The following DUSP6 variants were observed in gnomAD, a reference collection of about 807,000 sequenced individuals.
The protein encoded by DUSP6 is dual specificity phosphatase 6, also known as dual specificity protein phosphatase 6.
Under a neutral mutation model 28.0 loss-of-function variants are expected in DUSP6, and 6 were observed. That is an observed-to-expected ratio of 0.21 (90% CI 0.12 to 0.42). The LOEUF is 0.42. DUSP6 is among the 10% of genes least tolerant of loss of function. The pLI, the probability that DUSP6 is intolerant of heterozygous loss-of-function variation, is 1.00. For synonymous variants in DUSP6, 252 were observed against 217.5 expected (o/e 1.16, Z -1.40); for missense variants, 451 against 498.1 (o/e 0.91, Z 0.90).
chr12:89,348,928 C>T lies in DUSP6; in HGVS notation c.*326G>A. ...AACAGCCTTACAAGGCCCTAAAGAA[C>T]ACATGCTCCTACCCTATCATTTGGT... On this transcript the variant is annotated 3_prime_UTR_variant, in exon 3 of 3. Coordinates refer to ENST00000279488, the MANE Select transcript of DUSP6 (RefSeq NM_001946.4). 4.3e-6 allele frequency: 1 copy of T among 234,362 alleles called. No individual in the cohort carries two copies. The highest frequency in any genetic ancestry group is 1.1e-4 in the South Asian group (1 of 8,824). The allele number at this position is 234,362 out of a possible 1,614,324, so 14.5% of individuals were successfully genotyped here. A position where few individuals can be genotyped will look rare whatever the true frequency, so the allele number is the denominator to read the frequency against.
Position 89,351,917 on chromosome 12 carries a change from C to T in DUSP6, c.123G>A (p.Pro41=), listed in dbSNP as rs1052782471. The change falls in exon 1 of 3, where the codon CCG becomes CCA. Residue 41 remains proline, a synonymous_variant. Transcript: ENST00000279488. ...NERLLLMDCR[P]QELYESSHIE... ...TGTGCGACGACTCGTATAGCTCCTG[C>T]GGCCGGCAGTCCATCAGCAGCAGCC... The T allele has an allele frequency of 6.2e-7, 1 of 1,612,864 alleles. No individual in the cohort carries two copies. Among genetic ancestry groups the T allele is most frequent in the African/African-American group, 1.3e-5 (1 of 75,064 alleles).
rs1879227297 is a variant in DUSP6 at position 89,352,201 on chromosome 12, G to A, written c.-162C>T. The A allele has an allele frequency of 9.0e-7, 1 of 1,105,164 alleles. No individual in the cohort carries two copies. The highest frequency in any genetic ancestry group is 1.3e-6 in the Non-Finnish European group (1 of 788,056). The allele number at this position is 1,105,164 out of a possible 1,614,324, so 68.5% of individuals were successfully genotyped here. ...AGCGGTTGGGGCAGACGAGACAGAA[G>A]TAAAGCCGGAGGTTCTCTCTGCACC... On this transcript the variant is annotated 5_prime_UTR_variant, in exon 1 of 3. Transcript: ENST00000279488.
In DUSP6 at chr12:89,350,811, G is replaced by A. The variant is rs769359568; in HGVS notation, c.615C>T (p.Ser205=). Residue 205 remains serine (S), a synonymous_variant, in exon 2 of 3, where the codon TCC becomes TCT. Coordinates refer to ENST00000279488, the MANE Select transcript of DUSP6 (RefSeq NM_001946.4). Reference sequence around the variant, plus strand: ...GGAAGGGCAAGATCTCCACTGGGAAGGAAGGCTGGCTGTTGGACAGCGGAC... The same window carrying A: ...GGAAGGGCAAGATCTCCACTGGGAAAGAAGGCTGGCTGTTGGACAGCGGAC... ...DGSPLSNSQP[S]FPVEILPFLY... The A allele has an allele frequency of 6.2e-7, 1 of 1,614,146 alleles. No homozygotes were observed. The highest frequency in any genetic ancestry group is 1.7e-5 in the Admixed American group (1 of 60,018).
chr12:89,347,992 C>G lies in DUSP6; in HGVS notation c.*1262G>C, dbSNP rs1455555307. The G allele has an allele frequency of 6.6e-6, 1 of 152,416 alleles. No individual in the cohort carries two copies. Among genetic ancestry groups the G allele is most frequent in the Non-Finnish European group, 1.5e-5 (1 of 68,012 alleles). 9.4% of individuals were successfully genotyped at this position (152,416 alleles called of 1,614,324 possible). A position where few individuals can be genotyped will look rare whatever the true frequency, so the allele number is the denominator to read the frequency against. On this transcript the variant is annotated 3_prime_UTR_variant, in exon 3 of 3. Transcript: ENST00000279488. ...CTATGCCTACAAGTCAAAATCAATC[C>G]CTGAATGAAAAAGTTCTAAAATGTG...
rs199734366 is a variant in DUSP6 at position 89,352,054 on chromosome 12, G to C, written c.-15C>G. 3.1e-5 allele frequency: 49 copies of C among 1,602,478 alleles called. No individual in the cohort carries two copies. The highest frequency in any genetic ancestry group is 3.3e-4 in the Middle Eastern group (2 of 6,010). The stretch of plus-strand genomic sequence containing the variant: ...GTATCTATCATGGGGGTCGAGCTGC[G>C]GGAGAGGGCGGGGTGCCTACCAGAC... On this transcript the variant is annotated 5_prime_UTR_variant, in exon 1 of 3. Transcript: ENST00000279488.
At chr12:89,351,448 T>G in intron 1 of DUSP6, 192 bp downstream of exon 1, 1 of 991,170 alleles carries the variant, frequency 1.0e-6, no homozygotes, top group Non-Finnish European at 1.4e-6. Flanking sequence ...GAGTGGATTC[T>G]GAGCCGGCCC....
intron 1 of DUSP6, 182 bp downstream of exon 1, chr12:89,351,458 C>A: frequency 1.9e-6 from 2 of 1,062,528 alleles, no homozygotes. Context: ...TGAGCCGGCC[C>A]GGTTCTCTGG....
chr12:89,349,792 C>CA (rs1474694614), intron 2 of DUSP6, among the ~76,000 whole-genome samples: 1 of 152,260 alleles, frequency 6.6e-6, no homozygotes, highest in African/African-American at 2.4e-5. Flanking sequence ...TTTCTGCCAA[C>CA]AAAAAACTCC....
rs1365743603 is a variant in DUSP6, at chr12:89,350,233, T to C, written c.838+355A>G. Among the ~76,000 whole-genome samples the C allele has an allele frequency of 4.6e-5, 7 of 152,242 alleles. No homozygotes were observed. The East Asian group carries it at 7.7e-4, about 17-fold the overall frequency. Reference sequence around the variant, plus strand: ...AAAATAACTCCTAGATGTTTTTAAATTATAAAGCAATGCTGGAATTCCTGT... The same window carrying C: ...AAAATAACTCCTAGATGTTTTTAAACTATAAAGCAATGCTGGAATTCCTGT... On this transcript the variant is annotated intron_variant, in intron 2 of 2. Transcript: ENST00000279488.
Position 89,352,185 on chromosome 12 carries a change from G to A in DUSP6, c.-146C>T. 1 of 1,269,144 alleles carries A rather than the reference G, an allele frequency of 7.9e-7. No individual in the cohort carries two copies. Among genetic ancestry groups the A allele is most frequent in the Non-Finnish European group, 1.1e-6 (1 of 928,636 alleles). 78.6% of individuals were successfully genotyped at this position (1,269,144 alleles called of 1,614,324 possible). On this transcript the variant is annotated 5_prime_UTR_variant, in exon 1 of 3. Coordinates refer to ENST00000279488, the MANE Select transcript of DUSP6 (RefSeq NM_001946.4). Reference sequence around the variant, plus strand: ...TACCCAAGCCGAGGCTAGCGGTTGGGGCAGACGAGACAGAAGTAAAGCCGG... The same window carrying A: ...TACCCAAGCCGAGGCTAGCGGTTGGAGCAGACGAGACAGAAGTAAAGCCGG...
intron 1 of DUSP6, chr12:89,351,424 C>G (rs1879183923): frequency 1.3e-6 from 1 of 784,472 alleles, no homozygotes; most frequent in Non-Finnish European, 1.9e-6. Flanking sequence ...CCGCCGGTAC[C>G]CGCAGCCGGA....
rs926207447 is a variant in DUSP6, at chr12:89,352,313, T to C, written c.-274A>G. The C allele has an allele frequency of 8.0e-6, 4 of 499,946 alleles. No homozygotes were observed. Among genetic ancestry groups the C allele is most frequent in the Middle Eastern group, 5.3e-4 (1 of 1,874 alleles). The allele number at this position is 499,946 out of a possible 1,614,324, so 31.0% of individuals were successfully genotyped here. On this transcript the variant is annotated 5_prime_UTR_variant, in exon 1 of 3. Coordinates refer to ENST00000279488, the MANE Select transcript of DUSP6 (RefSeq NM_001946.4). Reference sequence around the variant, plus strand: ...TTTTGTTCCTCCCCAGTGAATGAAATCCAATTAATTCGGACTCCGTGCTAC... The same window carrying C: ...TTTTGTTCCTCCCCAGTGAATGAAACCCAATTAATTCGGACTCCGTGCTAC...
chr12:89,351,539 G>C, intron 1 of DUSP6, 101 bp downstream of exon 1: 1 of 1,434,922 alleles, frequency 7.0e-7, no homozygotes, highest in Non-Finnish European at 9.2e-7. Context: ...CGGCTCCGAA[G>C]CTCCAGCTGA....
rs1298504358 is a variant in DUSP6 at position 89,351,582 on chromosome 12, C to G, written c.400+58G>C. The G allele has an allele frequency of 4.0e-6, 6 of 1,497,252 alleles. No homozygotes were observed. In the African/African-American group the frequency reaches 7.0e-5, roughly 18 times the overall value. 92.7% of individuals were successfully genotyped at this position (1,497,252 alleles called of 1,614,324 possible). On this transcript the variant is annotated intron_variant, in intron 1 of 2. Transcript: ENST00000279488. The stretch of plus-strand genomic sequence containing the variant: ...AGAGGTATTTTCAATCCACGCGCCC[C>G]GCCCGCAGCCCTGCGCCCCTAGCCC...
At position 89,351,896 on chromosome 12, in the gene DUSP6, C is replaced by T. The variant is rs754016535; in HGVS notation, c.144G>A (p.Ser48=). The T allele has an allele frequency of 2.7e-5, 43 of 1,612,756 alleles. No homozygotes were observed. The highest frequency in any genetic ancestry group is 3.3e-5 in the Non-Finnish European group (39 of 1,179,924). The stretch of plus-strand genomic sequence containing the variant: ...CCACGTTGATGGCCGACTCGATGTG[C>T]GACGACTCGTATAGCTCCTGCGGCC... ...DCRPQELYES[S]HIESAINVAI... Residue 48 remains serine (S), a synonymous_variant, in exon 1 of 3, where the codon TCG becomes TCA. Coordinates refer to ENST00000279488, the MANE Select transcript of DUSP6 (RefSeq NM_001946.4).
chr12:89,350,679 G>T lies in DUSP6; in HGVS notation c.747C>A (p.Asn249Lys). 6.2e-7 allele frequency: 1 copy of T among 1,614,134 alleles called. No individual in the cohort carries two copies. The highest frequency in any genetic ancestry group is 8.5e-7 in the Non-Finnish European group (1 of 1,180,022). ...TTTGCTTGTATTTAAACTCTCCTGC[G>T]TTCTCAAAGAGATTCGGCAAATTGG... ...VTPNLPNLFE[N>K]AGEFKYKQIP... The change falls in exon 2 of 3, where the codon AAC (asparagine) becomes AAA (lysine). Residue 249 changes from asparagine (N) to lysine (K), a missense_variant. By Grantham distance (94) the Asn-to-Lys change is moderately conservative. This residue lies in a region of DUSP6 where 347 missense variants were observed against 346.6 expected (regional missense o/e 1.00). Coordinates refer to ENST00000279488, the MANE Select transcript of DUSP6 (RefSeq NM_001946.4).
Position 89,347,296 on chromosome 12 carries a change from G to A in DUSP6, c.*1958C>T, listed in dbSNP as rs1489096441. 1 of 152,208 alleles carries A rather than the reference G, an allele frequency of 6.6e-6. No individual in the cohort carries two copies. Among genetic ancestry groups the A allele is most frequent in the African/African-American group, 2.4e-5 (1 of 41,446 alleles). The allele number at this position is 152,208 out of a possible 1,614,324, so 9.4% of individuals were successfully genotyped here. On this transcript the variant is annotated 3_prime_UTR_variant, in exon 3 of 3. Transcript: ENST00000279488. ...TGTATTTTTACATTTGAGGTAAGGA[G>A]AGGGTAGGTCCCAAGAAAAATGGCA...
In DUSP6 at chr12:89,352,453, T is replaced by C; in HGVS notation, c.-414A>G. ...TATTTAAGACTCGATTTGCTATCTCTTGGACTCAGCCTCGCACACCCCCTG... is the reference window on the plus strand; with the variant it reads ...TATTTAAGACTCGATTTGCTATCTCCTGGACTCAGCCTCGCACACCCCCTG... On this transcript the variant is annotated 5_prime_UTR_variant, in exon 1 of 3. Coordinates refer to ENST00000279488, the MANE Select transcript of DUSP6 (RefSeq NM_001946.4). 2 of 190,306 alleles carry C rather than the reference T, an allele frequency of 1.1e-5. No individual in the cohort carries two copies. The highest frequency in any genetic ancestry group is 2.2e-5 in the Non-Finnish European group (2 of 89,382). The allele number at this position is 190,306 out of a possible 1,614,324, so 11.8% of individuals were successfully genotyped here. A position where few individuals can be genotyped will look rare whatever the true frequency, so the allele number is the denominator to read the frequency against.
rs1879087233 is a variant in DUSP6 at position 89,349,064 on chromosome 12, T to A, written c.*190A>T. On this transcript the variant is annotated 3_prime_UTR_variant, in exon 3 of 3. Coordinates refer to ENST00000279488, the MANE Select transcript of DUSP6 (RefSeq NM_001946.4). ...GTATCTATACAGCATGTCCTGTTAT[T>A]CCAAAGAGAATGGAGCAAATCTCTC... The A allele has an allele frequency of 4.8e-6, 3 of 624,604 alleles. No homozygotes were observed. In the South Asian group the frequency reaches 6.1e-5, roughly 13 times the overall value. 38.7% of individuals were successfully genotyped at this position (624,604 alleles called of 1,614,324 possible).
Sources: gnomAD v4.1 joint callset for allele counts (sites outside exome capture counted in the v4.1 genomes callset) on GRCh38, gnomAD v4.1.1 for gene constraint, gnomAD v4.1.1 regional missense constraint, MANE v1.5 for transcripts, NCBI Gene and HGNC (gene_info 2026-07-23, HGNC 2026-07-21) for gene names.